The following NUDC variants were observed in gnomAD, a reference collection of about 807,000 sequenced individuals.
The protein encoded by NUDC is nuclear distribution C, dynein complex regulator.
NUDC carries 14 observed loss-of-function variants against 45.0 expected under a neutral mutation model. That is an observed-to-expected ratio of 0.31 (90% CI 0.21 to 0.49). The LOEUF is 0.49. NUDC is among the 20% of genes least tolerant of loss of function. The pLI is 0.99. For synonymous variants in NUDC, 153 were observed against 156.7 expected (o/e 0.98, Z 0.17); for missense variants, 323 against 426.2 (o/e 0.76, Z 2.13).
intron 8 of NUDC, among the ~76,000 whole-genome samples, 185 bp downstream of exon 8, chr1:26,945,871 G>T (rs778744690): frequency 2.0e-5 from 3 of 152,126 alleles, no homozygotes; most frequent in African/African-American, 4.8e-5. Context: ...TGAGGGCAAG[G>T]CCGGCTCATG....
intron 3 of NUDC, chr1:26,911,903 G>C (rs752928115): frequency 1.2e-6 from 2 of 1,614,154 alleles, no homozygotes; most frequent in Non-Finnish European, 1.7e-6. Context: ...TCCAATGATA[G>C]GGCGAAAGAA....
intron 2 of NUDC, among the ~76,000 whole-genome samples, chr1:26,904,872 GAC>G (rs1032355260): frequency 4.1e-5 from 6 of 147,364 alleles, no homozygotes; most frequent in Non-Finnish European, 7.5e-5. Context: ...TTTTTTCTGA[GAC>G]AGAGTCTTGC....
chr1:26,921,624 G>A, upstream of NUDC: 1 of 589,854 alleles, frequency 1.7e-6, no homozygotes, highest in Non-Finnish European at 3.0e-6. Flanking sequence ...GTCGACCAAT[G>A]GTCGGCGAAG....
At chr1:26,924,237 T>C in intron 2 of NUDC, 71 bp downstream of exon 2, 4 of 1,321,596 alleles carry the variant, frequency 3.0e-6, no homozygotes, top group Non-Finnish European at 4.4e-6. Context: ...TGGCCTTTCT[T>C]TGGCATAATA....
At chr1:26,906,034 C>T (rs2082001375) in intron 2 of NUDC, among the ~76,000 whole-genome samples, 2 of 152,312 alleles carry the variant, frequency 1.3e-5, no homozygotes, top group South Asian at 2.1e-4. Context: ...GTAATCCCAG[C>T]ACTTTGGGAG....
intron 3 of NUDC, among the ~76,000 whole-genome samples, chr1:26,915,971 G>A (rs2124078544): frequency 6.6e-6 from 1 of 152,242 alleles, no homozygotes; most frequent in South Asian, 2.1e-4. Flanking sequence ...GTGACCTTGG[G>A]CAAATCACTT....
chr1:26,935,995 T>TG (rs1022339303), intron 2 of NUDC, among the ~76,000 whole-genome samples: 1 of 148,072 alleles, frequency 6.8e-6, no homozygotes, highest in African/African-American at 2.5e-5. Context: ...TTTTTTGACT[T>TG]GGAGTCTCTG....
intron 2 of NUDC, among the ~76,000 whole-genome samples, chr1:26,932,449 G>A (rs1325954227): frequency 6.6e-6 from 1 of 151,998 alleles, no homozygotes; most frequent in Non-Finnish European, 1.5e-5. Context: ...AAAGTGCTGG[G>A]ATTACAGGTG....
intron 2 of NUDC, among the ~76,000 whole-genome samples, chr1:26,938,458 G>A (rs1363069730): frequency 6.6e-6 from 1 of 152,202 alleles, no homozygotes; most frequent in Non-Finnish European, 1.5e-5. Context: ...AGGCCTTGTG[G>A]TGGAACAGCC....
At chr1:26,922,806 C>T (rs1440517902) in intron 1 of NUDC, among the ~76,000 whole-genome samples, 1 of 152,134 alleles carries the variant, frequency 6.6e-6, no homozygotes, top group African/African-American at 2.4e-5. Flanking sequence ...CCTATGTAAC[C>T]TAGGTGTCTG....
At chr1:26,913,987 C>A in intron 3 of NUDC, 2 of 1,376,322 alleles carry the variant, frequency 1.5e-6, no homozygotes, top group Non-Finnish European at 9.5e-7. Flanking sequence ...CTGTGTTCTG[C>A]GCTGTGGGTG....
Position 26,905,318 on chromosome 1 carries a change from G to A in NUDC, c.-16+2952G>A, listed in dbSNP as rs182848083. On this transcript the variant is annotated intron_variant, in intron 2 of 6. Transcript: ENST00000435827. Reference sequence around the variant, plus strand: ...TGGGATTACAGGAACCTGCCAACACGCCTGGCTAATTTTTGTATTTTTAGT... The same window carrying A: ...TGGGATTACAGGAACCTGCCAACACACCTGGCTAATTTTTGTATTTTTAGT... Among the ~76,000 whole-genome samples, 142 of 150,946 alleles carry A rather than the reference G, an allele frequency of 9.4e-4. 1 individual carries two copies. The highest frequency in any genetic ancestry group is 3.1e-3 in the African/African-American group (128 of 41,042).
chr1:26,912,304 G>A (rs1339108254), intron 3 of NUDC, among the ~76,000 whole-genome samples: 1 of 152,124 alleles, frequency 6.6e-6, no homozygotes, highest in Non-Finnish European at 1.5e-5. Flanking sequence ...GTGGAGTAAT[G>A]GTTAAGAATT....
chr1:26,910,919 G>A (rs572865194), intron 2 of NUDC, among the ~76,000 whole-genome samples: 1 of 152,314 alleles, frequency 6.6e-6, no homozygotes, highest in South Asian at 2.1e-4. Context: ...AGAGGGGCAG[G>A]GAAGGAAACT....
intron 1 of NUDC, 162 bp downstream of exon 1, chr1:26,922,091 G>C (rs2082096307): frequency 2.8e-6 from 2 of 714,570 alleles, no homozygotes; most frequent in Non-Finnish European, 4.8e-6. Flanking sequence ...CCCGCCAGCA[G>C]GTCTCACCCG....
upstream of NUDC, among the ~76,000 whole-genome samples, chr1:26,921,302 C>A (rs908887652): frequency 2.0e-5 from 3 of 152,156 alleles, no homozygotes; most frequent in South Asian, 2.1e-4. Flanking sequence ...ATTTGTACTC[C>A]CATGAAGCTG....
intron 2 of NUDC, among the ~76,000 whole-genome samples, chr1:26,907,724 G>A (rs535538566): frequency 6.6e-6 from 1 of 152,324 alleles, no homozygotes; most frequent in Admixed American, 6.5e-5. Flanking sequence ...GCTTTCCAGT[G>A]AGTCATCCCT....
At chr1:26,903,592 G>A (rs912476741) in intron 2 of NUDC, among the ~76,000 whole-genome samples, 1 of 152,276 alleles carries the variant, frequency 6.6e-6, no homozygotes, top group South Asian at 2.1e-4. Context: ...ACATGGCCAG[G>A]CATGGTGGCT....
chr1:26,913,102 T>G (rs1281598532), intron 3 of NUDC, among the ~76,000 whole-genome samples: 1 of 152,118 alleles, frequency 6.6e-6, no homozygotes, highest in East Asian at 1.9e-4. Context: ...TTGATCAACA[T>G]GGTGAAAGCC....
Sources: allele counts gnomAD v4.1 joint callset (sites outside exome capture counted in the v4.1 genomes callset), GRCh38; gene constraint gnomAD v4.1.1; transcripts MANE v1.5; gene names NCBI Gene and HGNC (gene_info 2026-07-23, HGNC 2026-07-21).